Variants in BRD1 observed in about 807,000 individuals in gnomAD.
The protein encoded by BRD1 is bromodomain containing 1, also known as bromodomain-containing protein 1.
A neutral mutation model predicts 107.7 loss-of-function variants in BRD1; 24 were observed. That is an observed-to-expected ratio of 0.22 (90% CI 0.16 to 0.31). The LOEUF (loss-of-function observed/expected upper bound fraction) is 0.31. Ranked by LOEUF, BRD1 falls within the 10% of genes least tolerant of loss-of-function variation. The pLI is 1.00. For synonymous variants in BRD1, 744 were observed against 686.1 expected, an observed-to-expected ratio of 1.08 and a Z score of -1.32; for missense variants, 1,279 against 1,638.6, an observed-to-expected ratio of 0.78 and a Z score of 3.79.
In BRD1 at chr22:49,773,483, C is replaced by A. The variant is rs1292640778; in HGVS notation, c.*750G>T. On this transcript the variant is annotated 3_prime_UTR_variant, in exon 13 of 13. Transcript: ENST00000404760. ...TTAAAACAAGTTACAGAAAGCCCCT[C>A]ATTGTAAACAAAAGATTACAAGTTA... is the stretch of plus-strand genomic sequence containing the variant. The A allele has an allele frequency of 6.6e-6, 1 of 152,560 alleles. No homozygotes were observed. Among genetic ancestry groups the A allele is most frequent in the Non-Finnish European group, 1.5e-5 (1 of 68,040 alleles). The allele number at this position is 152,560 out of a possible 1,614,324, so 9.5% of individuals were successfully genotyped here.
At chr22:49,827,281 C>A (rs2060156580) in intron 1 of BRD1, among the ~76,000 whole-genome samples, 1 of 150,894 alleles carries the variant, frequency 6.6e-6, no homozygotes, top group Non-Finnish European at 1.5e-5. Context: ...CCCGTCTCCC[C>A]GGCCGCCCGG....
In BRD1 at chr22:49,818,193, T is replaced by C. The variant is rs543919780; in HGVS notation, c.1367+4758A>G. ...GAGGAAAACCTCATTCGAATGAAGG[T>C]AGGAGGAGCACCCATCACAAAGCCT... On this transcript the variant is annotated intron_variant, in intron 2 of 12. Coordinates refer to ENST00000404760, the MANE Select transcript of BRD1 (RefSeq NM_001304808.3). 1.6e-4 allele frequency: 176 copies of C among 1,076,128 alleles called. 1 individual carries two copies. In the African/African-American group the frequency reaches 2.6e-3, roughly 16 times the overall value. 66.7% of individuals were successfully genotyped at this position (1,076,128 alleles called of 1,614,324 possible).
intron 8 of BRD1, among the ~76,000 whole-genome samples, 192 bp from the exon 9 acceptor site, chr22:49,778,005 T>C (rs1325041295): frequency 2.0e-5 from 3 of 152,242 alleles, no homozygotes; most frequent in Admixed American, 1.3e-4. Flanking sequence ...ACTCGTTAAA[T>C]GAAATCAACT....
chr22:49,774,570 G>A (rs530981135), intron 12 of BRD1, among the ~76,000 whole-genome samples, 154 bp from the exon 13 acceptor site: 10 of 151,882 alleles, frequency 6.6e-5, no homozygotes, highest in African/African-American at 2.2e-4. Context: ...GGACAGGCCC[G>A]AGGCCAGGAG....
intron 2 of BRD1, among the ~76,000 whole-genome samples, chr22:49,819,558 C>G (rs2060023919): frequency 6.6e-6 from 1 of 152,070 alleles, no homozygotes; most frequent in African/African-American, 2.4e-5. Context: ...TCAGGAGATT[C>G]TCCTGCCTCA....
At chr22:49,812,019 A>C (rs1287685407) in intron 2 of BRD1, among the ~76,000 whole-genome samples, 1 of 152,240 alleles carries the variant, frequency 6.6e-6, no homozygotes, top group African/African-American at 2.4e-5. Flanking sequence ...ACAAAATTTA[A>C]AAATACGTTA....
rs142057022 is a variant in BRD1 at position 49,795,077 on chromosome 22, C to T, written c.2099-783G>A. ...CTAGAAACAGGTGTTTTACTGAAAG[C>T]ATCTGTCTCTTTGGCTGAATAAATA... On this transcript the variant is annotated intron_variant, in intron 6 of 12. Transcript: ENST00000404760. 1.7e-4 allele frequency among the ~76,000 whole-genome samples: 26 copies of T among 152,142 alleles called. No individual in the cohort carries two copies. In the South Asian group the frequency reaches 5.0e-3, roughly 29 times the overall value.
Position 49,774,003 on chromosome 22 carries a change from CT to C in BRD1, c.*229del. ...AAGAAAGTGACGCCAGCAGCACGGC[CT>C]GGGGACGTGCGACAGACGCACTGGG... On this transcript the variant is annotated 3_prime_UTR_variant, in exon 13 of 13. Transcript: ENST00000404760. 4.3e-6 allele frequency: 2 copies of C among 464,628 alleles called. No homozygotes were observed. Among genetic ancestry groups the C allele is most frequent in the South Asian group, 4.4e-5 (1 of 22,924 alleles). 28.8% of individuals were successfully genotyped at this position (464,628 alleles called of 1,614,324 possible).
intron 7 of BRD1, among the ~76,000 whole-genome samples, chr22:49,793,057 A>C (rs2059463996): frequency 6.6e-6 from 1 of 152,200 alleles, no homozygotes; most frequent in African/African-American, 2.4e-5. Flanking sequence ...TTGGATGTGC[A>C]GGGGAAGGGC....
intron 7 of BRD1, 120 bp downstream of exon 7, chr22:49,793,914 C>G (rs1293583404): frequency 7.3e-7 from 1 of 1,375,196 alleles, no homozygotes; most frequent in Non-Finnish European, 9.8e-7. Context: ...ACGGAACTGG[C>G]GCTAACCTGA....
At chr22:49,800,921 T>C (rs2059628905) in intron 3 of BRD1, among the ~76,000 whole-genome samples, 1 of 72,006 alleles carries the variant, frequency 1.4e-5, no homozygotes, top group Admixed American at 1.7e-4. Flanking sequence ...CAGGTTAAAA[T>C]CGCCTCTGCT....
intron 2 of BRD1, chr22:49,805,338 G>A (rs1463793063): frequency 1.3e-5 from 2 of 152,352 alleles, no homozygotes; most frequent in East Asian, 3.8e-4. Context: ...AACTGACCGT[G>A]AGGTGCCTTC....
intron 12 of BRD1, 135 bp from the exon 13 acceptor site, chr22:49,774,551 C>G: frequency 1.0e-6 from 1 of 1,004,884 alleles, no homozygotes; most frequent in Non-Finnish European, 1.4e-6. Flanking sequence ...ACAGCTGGGC[C>G]CCGTGCAGGG....
rs2060123776 is a variant in BRD1, at chr22:49,824,370, G to T, written c.-14-39C>A. ...AAAAGTAAAGGTAATTCTACGCAGG[G>T]TGACCAAAGACTCGAGAAAACCACA... On this transcript the variant is annotated intron_variant, in intron 1 of 12. Coordinates refer to ENST00000404760, the MANE Select transcript of BRD1 (RefSeq NM_001304808.3). This position sits in a 1 kb window ranked among gnomAD's most constrained non-coding sequence, Gnocchi z 5.9. The T allele has an allele frequency of 1.3e-6, 2 of 1,595,770 alleles. No homozygotes were observed. Among genetic ancestry groups the T allele is most frequent in the Non-Finnish European group, 1.7e-6 (2 of 1,170,746 alleles).
chr22:49,809,287 A>G (rs1228932097), intron 2 of BRD1, among the ~76,000 whole-genome samples: 2 of 152,024 alleles, frequency 1.3e-5, no homozygotes, highest in Non-Finnish European at 2.9e-5. Flanking sequence ...CACGCCTGTA[A>G]TCCCAGCACT....
At position 49,793,731 on chromosome 22, in the gene BRD1, A is replaced by G. The variant is rs114839926; in HGVS notation, c.2359+303T>C. On this transcript the variant is annotated intron_variant, in intron 7 of 12. Transcript: ENST00000404760. ...TTCAACACAGTGTAAGATCTAAACC[A>G]TTCTTTTCAAATAGTTTCTCAGGCC... Among the ~76,000 whole-genome samples the G allele has an allele frequency of 9.2e-3, 1,400 of 152,350 alleles. 25 individuals carry two copies. Among genetic ancestry groups the G allele is most frequent in the African/African-American group, 0.033 (1,353 of 41,582 alleles).
At position 49,797,940 on chromosome 22, in the gene BRD1, G is replaced by A. The variant is rs776442812; in HGVS notation, c.1963C>T (p.Leu655=). The change falls in exon 6 of 13, where the codon CTG becomes TTG. Residue 655 remains leucine, a synonymous_variant. Transcript: ENST00000404760. ...AGAACAACACCTCCCTGATCGCGCA[G>A]CCTCACCGCGGCTCTATAGAACACG... ...DTVFYRAAVR[L]RDQGGVVLRQ... 6.2e-7 allele frequency: 1 copy of A among 1,614,196 alleles called. No homozygotes were observed. Among genetic ancestry groups the A allele is most frequent in the Non-Finnish European group, 8.5e-7 (1 of 1,180,032 alleles).
At chr22:49,777,545 A>G (rs1266982132) in intron 9 of BRD1, 133 bp downstream of exon 9, 1 of 1,244,804 alleles carries the variant, frequency 8.0e-7, no homozygotes, top group African/African-American at 1.5e-5. Context: ...GGCAGAGCAC[A>G]CATGAATCCC....
intron 2 of BRD1, among the ~76,000 whole-genome samples, chr22:49,813,017 A>C (rs2059881638): frequency 6.6e-6 from 1 of 152,208 alleles, no homozygotes; most frequent in South Asian, 2.1e-4. Context: ...CAGGAGGCCA[A>C]GCAGGCTGGC....
Sources: allele counts gnomAD v4.1 joint callset (sites outside exome capture counted in the v4.1 genomes callset), GRCh38; gene constraint gnomAD v4.1.1; non-coding constraint Gnocchi (gnomAD v3.1); transcripts MANE v1.5; gene names NCBI Gene and HGNC (gene_info 2026-07-23, HGNC 2026-07-21).